B4GALNT2: variants seen among roughly 807,000 people sequenced by gnomAD.
B4GALNT2 encodes the protein N-acetylneuraminylgalactosylglucosyl-glucoside beta-1,4-N- acetylgalactosaminyltransferase 2.
A neutral mutation model predicts 51.1 loss-of-function variants in B4GALNT2; 42 were observed. The observed-to-expected ratio is 0.82, with a 90% CI of 0.64 to 1.06. The LOEUF (loss-of-function observed/expected upper bound fraction) is 1.06. B4GALNT2 is among the 50% of genes least tolerant of loss of function. B4GALNT2 has a pLI of 0.00. For synonymous variants in B4GALNT2, 253 were observed against 251.7 expected, an observed-to-expected ratio of 1.01 and a Z score of -0.05; for missense variants, 602 against 633.6, an observed-to-expected ratio of 0.95 and a Z score of 0.54.
At chr17:49,161,380 A>G (rs540696303) in intron 7 of B4GALNT2, among the ~76,000 whole-genome samples, 63 of 152,032 alleles carry the variant, frequency 4.1e-4, no homozygotes, top group South Asian at 1.5e-3. Flanking sequence ...GTGTAGCTAT[A>G]TGAAAGATAA....
rs535130438 is a variant in B4GALNT2 at position 49,149,027 on chromosome 17, G to A, written c.354-3773G>A. 2.0e-5 allele frequency: 3 copies of A among 152,882 alleles called. No individual in the cohort carries two copies. In the Admixed American group the frequency reaches 2.0e-4, roughly 10 times the overall value. The allele number at this position is 152,882 out of a possible 1,614,324, so 9.5% of individuals were successfully genotyped here. ...GCCGAGATCGTGCCACTGAATTCCAGTCTGGCGACAGAGCGAGACCTTGTC... is the reference window on the plus strand; with the variant it reads ...GCCGAGATCGTGCCACTGAATTCCAATCTGGCGACAGAGCGAGACCTTGTC... On this transcript the variant is annotated intron_variant, in intron 3 of 10. Transcript: ENST00000393354.
chr17:49,166,291 T>A lies in B4GALNT2; in HGVS notation c.1095+37T>A, dbSNP rs766877219. The stretch of plus-strand genomic sequence containing the variant: ...TTGCCAGTTTCACCCAGCCACAATC[T>A]GTAGAGATGGAGAAGAGGGGAGAAG... On this transcript the variant is annotated intron_variant, in intron 9 of 10. Coordinates refer to ENST00000393354, the MANE Select transcript of B4GALNT2 (RefSeq NM_001159387.2). 36 of 1,593,998 alleles carry A rather than the reference T, an allele frequency of 2.3e-5. No homozygotes were observed. The East Asian group carries it at 8.2e-4, about 36-fold the overall frequency.
At position 49,171,962 on chromosome 17, in the gene B4GALNT2, G is replaced by T; in HGVS notation, c.*2234G>T. The T allele has an allele frequency of 3.9e-6, 1 of 259,262 alleles. No individual in the cohort carries two copies. The highest frequency in any genetic ancestry group is 7.4e-6 in the Non-Finnish European group (1 of 134,612). 16.1% of individuals were successfully genotyped at this position (259,262 alleles called of 1,614,324 possible). ...TGTGTCACACAGTGATTACATCCAG[G>T]CATTATTGCCAGCCAAGATTGATAA... On this transcript the variant is annotated 3_prime_UTR_variant, in exon 11 of 11. Coordinates refer to ENST00000393354, the MANE Select transcript of B4GALNT2 (RefSeq NM_001159387.2).
rs1344506314 is a variant in B4GALNT2 at position 49,169,507 on chromosome 17, C to T, written c.1316-16C>T. ...ACCGCAGCTCCCACTTCCTTCTGCT[C>T]TCCCTCTCTTTGCAGAATTCTTCAT... On this transcript the variant is annotated splice_polypyrimidine_tract_variant and intron_variant, in intron 10 of 10. Transcript: ENST00000393354. 1.9e-6 allele frequency: 3 copies of T among 1,606,840 alleles called. No homozygotes were observed. In the African/African-American group the frequency reaches 4.0e-5, roughly 21 times the overall value.
chr17:49,172,796 G>C lies in B4GALNT2; in HGVS notation c.*3068G>C, dbSNP rs1262242907. The C allele has an allele frequency of 6.6e-6, 1 of 152,144 alleles. No homozygotes were observed. Among genetic ancestry groups the C allele is most frequent in the Non-Finnish European group, 1.5e-5 (1 of 68,022 alleles). The allele number at this position is 152,144 out of a possible 1,614,324, so 9.4% of individuals were successfully genotyped here. Reference sequence around the variant, plus strand: ...TTTAACACAGGCAGAAGACTCTCCTGATTGGCATGTAGCCCAGACAAAGTG... The same window carrying C: ...TTTAACACAGGCAGAAGACTCTCCTCATTGGCATGTAGCCCAGACAAAGTG... On this transcript the variant is annotated 3_prime_UTR_variant, in exon 11 of 11. Coordinates refer to ENST00000393354, the MANE Select transcript of B4GALNT2 (RefSeq NM_001159387.2).
At position 49,141,462 on chromosome 17, in the gene B4GALNT2, G is replaced by A. The variant is rs747286872; in HGVS notation, c.215+15G>A. ...GATGGAATCTGGTGAGAGACTGCGT[G>A]TTCTTTCTTTCACCTTAATGCACAC... On this transcript the variant is annotated intron_variant, in intron 2 of 10. Coordinates refer to ENST00000393354, the MANE Select transcript of B4GALNT2 (RefSeq NM_001159387.2). 1.2e-6 allele frequency: 2 copies of A among 1,611,194 alleles called. No homozygotes were observed. The highest frequency in any genetic ancestry group is 1.7e-6 in the Non-Finnish European group (2 of 1,177,886).
chr17:49,133,635 G>A (rs553597360), intron 1 of B4GALNT2, among the ~76,000 whole-genome samples: 2 of 152,246 alleles, frequency 1.3e-5, no homozygotes, highest in Admixed American at 1.3e-4. Context: ...ACGTTTGGCC[G>A]GGCGCAGTGG....
intron 1 of B4GALNT2, 53 bp from the exon 2 acceptor site, chr17:49,141,194 A>T: frequency 6.5e-7 from 1 of 1,527,118 alleles, no homozygotes; most frequent in Non-Finnish European, 9.1e-7. Context: ...CATATACATT[A>T]CATAATCAAG....
chr17:49,129,190 CAGAGAG>C (rs35327541), upstream of B4GALNT2, among the ~76,000 whole-genome samples: 841 of 148,704 alleles, frequency 5.7e-3, 11 homozygotes, highest in African/African-American at 0.02. Context: ...AAGAGAGAGA[CAGAGAG>C]AGAGAGAGAG....
chr17:49,120,803 C>T, the B4GALNT2 span, among the ~76,000 whole-genome samples: 32 of 152,150 alleles, frequency 2.1e-4, no homozygotes, highest in African/African-American at 6.7e-4. Context: ...AGCCACTGTG[C>T]CCAGCCTAGA....
intron 7 of B4GALNT2, among the ~76,000 whole-genome samples, chr17:49,162,050 C>A (rs1029051381): frequency 1.8e-4 from 28 of 151,592 alleles, no homozygotes; most frequent in African/African-American, 2.7e-4. Flanking sequence ...TGCAGTGGCA[C>A]GATCTCCGCT....
intron 3 of B4GALNT2, chr17:49,148,579 G>T: frequency 2.2e-6 from 1 of 448,970 alleles, no homozygotes; most frequent in Admixed American, 2.6e-5. Flanking sequence ...TGGAGATACT[G>T]GATACCCTTG....
rs1328344236 is a variant in B4GALNT2 at position 49,170,369 on chromosome 17, G to C, written c.*641G>C. 1 of 152,386 alleles carries C rather than the reference G, an allele frequency of 6.6e-6. No homozygotes were observed. Among genetic ancestry groups the C allele is most frequent in the African/African-American group, 2.4e-5 (1 of 41,466 alleles). 9.4% of individuals were successfully genotyped at this position (152,386 alleles called of 1,614,324 possible). On this transcript the variant is annotated 3_prime_UTR_variant, in exon 11 of 11. Transcript: ENST00000393354. ...AAAGCAGACATTCAGGCATCAGAGA[G>C]GGTAGGAGGGCCCTGGGGCCATCCC...
the B4GALNT2 span, among the ~76,000 whole-genome samples, chr17:49,121,487 A>C: frequency 6.6e-6 from 1 of 152,196 alleles, no homozygotes; most frequent in Non-Finnish European, 1.5e-5. Flanking sequence ...TTCTCCCATA[A>C]GGGACGAGTA....
chr17:49,128,842 T>C (rs1181943268), upstream of B4GALNT2, among the ~76,000 whole-genome samples: 1 of 152,078 alleles, frequency 6.6e-6, no homozygotes, highest in Non-Finnish European at 1.5e-5. Context: ...GAATGCAGGA[T>C]TGTTTGGTAC....
intron 6 of B4GALNT2, among the ~76,000 whole-genome samples, 163 bp downstream of exon 6, chr17:49,159,380 C>A (rs1567864156): frequency 6.6e-6 from 1 of 152,166 alleles, no homozygotes; most frequent in Non-Finnish European, 1.5e-5. Context: ...CTCACTCTGT[C>A]ACCCAGGCTG....
intron 10 of B4GALNT2, among the ~76,000 whole-genome samples, chr17:49,169,180 C>T (rs746832164): frequency 6.6e-6 from 1 of 151,950 alleles, no homozygotes. Flanking sequence ...TCCCATGCTG[C>T]TTCATATTCT....
rs755097459 is a variant in B4GALNT2, at chr17:49,142,135, G to A, written c.316G>A (p.Ala106Thr). The A allele has an allele frequency of 5.6e-6, 9 of 1,614,004 alleles. No individual in the cohort carries two copies. The highest frequency in any genetic ancestry group is 1.7e-6 in the Non-Finnish European group (2 of 1,180,020). Residue 106 changes from alanine (A) to threonine (T), a missense_variant, in exon 3 of 11, where the codon GCG becomes ACG. Ala to Thr is a moderately conservative substitution (Grantham distance 58). Transcript: ENST00000393354. ...CCAGAGCGACCTCCCAGCGGTGAAA[G>A]CGAGGAGACAGGCTGAATTTGAACA... The part of the protein sequence containing the change: ...YGQSDLPAVK[A>T]RRQAEFEHFQ...
chr17:49,125,923 G>A, the B4GALNT2 span, among the ~76,000 whole-genome samples: 33 of 149,882 alleles, frequency 2.2e-4, no homozygotes, highest in African/African-American at 7.4e-4. Flanking sequence ...TGGGAGGTGA[G>A]GGGTGCCTCT....
Sources: gnomAD v4.1 joint callset for allele counts (sites outside exome capture counted in the v4.1 genomes callset) on GRCh38, gnomAD v4.1.1 for gene constraint, MANE v1.5 for transcripts, NCBI Gene and HGNC (gene_info 2026-07-23, HGNC 2026-07-21) for gene names.